Variants in WDR72 observed in about 807,000 individuals in gnomAD.
The protein encoded by WDR72 is WD repeat domain 72.
A neutral mutation model predicts 124.2 loss-of-function variants in WDR72; 120 were observed. That is an observed-to-expected ratio of 0.97 (90% confidence interval 0.83 to 1.12). The LOEUF is 1.12. WDR72 is among the 50% of genes most tolerant of loss of function. WDR72 has a pLI of 0.00. For synonymous variants in WDR72, 452 were observed against 441.7 expected (o/e 1.02, Z -0.29); for missense variants, 1,387 against 1,278.8 (o/e 1.08, Z -1.29).
Position 53,546,141 on chromosome 15 carries a change from T to C in WDR72, c.3149-22819A>G, listed in dbSNP as rs1320883261. On this transcript the variant is annotated intron_variant, in intron 18 of 19. Coordinates refer to ENST00000360509, the MANE Select transcript of WDR72 (RefSeq NM_182758.4). The stretch of plus-strand genomic sequence containing the variant: ...GGGATCTAGAACTAGAAATACCATT[T>C]GACCCAGCCATCCCATTACTGGGTA... 4.2e-5 allele frequency among the ~76,000 whole-genome samples: 6 copies of C among 143,064 alleles called. No homozygotes were observed. The East Asian group carries it at 1.2e-3, about 28-fold the overall frequency. 93.9% of individuals were successfully genotyped at this position (143,064 alleles called of 152,430 possible). A position where few individuals can be genotyped will look rare whatever the true frequency, so the allele number is the denominator to read the frequency against.
chr15:53,525,599 T>TAA (rs1056909716), intron 18 of WDR72, among the ~76,000 whole-genome samples: 2 of 151,988 alleles, frequency 1.3e-5, no homozygotes, highest in African/African-American at 4.8e-5. Flanking sequence ...TTTGTGGCAA[T>TAA]AAAGTGGTCC....
intron 13 of WDR72, among the ~76,000 whole-genome samples, chr15:53,675,668 T>C (rs1438594549): frequency 6.6e-6 from 1 of 152,198 alleles, no homozygotes; most frequent in Non-Finnish European, 1.5e-5. Flanking sequence ...AGTTACTTAT[T>C]GGGTATAATA....
chr15:53,741,408 G>T (rs1488557576), intron 1 of WDR72, among the ~76,000 whole-genome samples: 1 of 152,138 alleles, frequency 6.6e-6, no homozygotes, highest in African/African-American at 2.4e-5. Context: ...GCTATGTGTA[G>T]TGCAACATAC....
At chr15:53,605,838 GA>G (rs142793693) in intron 17 of WDR72, among the ~76,000 whole-genome samples, 6 of 148,740 alleles carry the variant, frequency 4.0e-5, no homozygotes, top group South Asian at 4.3e-4. Flanking sequence ...CTGGGTGACA[GA>G]AAAAAAAAAG....
chr15:53,535,453 T>C (rs1892711728), intron 18 of WDR72, among the ~76,000 whole-genome samples: 2 of 152,062 alleles, frequency 1.3e-5, no homozygotes, highest in Admixed American at 1.3e-4. Context: ...CAAAAACAAA[T>C]AGGGAGAGAG....
At chr15:53,670,530 G>T (rs2015948785) in intron 13 of WDR72, among the ~76,000 whole-genome samples, 1 of 152,162 alleles carries the variant, frequency 6.6e-6, no homozygotes, top group African/African-American at 2.4e-5. Flanking sequence ...TATCTGTCCA[G>T]GGGGACAACA....
intron 13 of WDR72, among the ~76,000 whole-genome samples, chr15:53,691,765 C>A (rs1054316301): frequency 6.6e-6 from 1 of 152,132 alleles, no homozygotes; most frequent in Non-Finnish European, 1.5e-5. Context: ...TTCATTATTA[C>A]CATGAGGAAA....
chr15:53,722,427 G>C (rs961508378), intron 3 of WDR72, among the ~76,000 whole-genome samples: 2 of 152,166 alleles, frequency 1.3e-5, no homozygotes, highest in African/African-American at 4.8e-5. Flanking sequence ...GGATGGGTTT[G>C]CTTAAGAGCT....
At chr15:53,639,975 T>C (rs1041216836) in intron 14 of WDR72, among the ~76,000 whole-genome samples, 5 of 152,208 alleles carry the variant, frequency 3.3e-5, no homozygotes, top group African/African-American at 1.2e-4. Flanking sequence ...GAGTACAACA[T>C]ATTAAATTTC....
At chr15:53,680,569 G>T (rs537514231) in intron 13 of WDR72, among the ~76,000 whole-genome samples, 3 of 152,270 alleles carry the variant, frequency 2.0e-5, no homozygotes, top group African/African-American at 4.8e-5. Context: ...AACCTGCGGG[G>T]TAAATCATGG....
At chr15:53,522,792 T>A (rs1022624120) in intron 19 of WDR72, among the ~76,000 whole-genome samples, 1 of 152,084 alleles carries the variant, frequency 6.6e-6, no homozygotes, top group African/African-American at 2.4e-5. Flanking sequence ...TACAGTCCTG[T>A]TTGTTTCTAG....
chr15:53,675,562 C>T (rs191724432), intron 13 of WDR72, among the ~76,000 whole-genome samples: 1 of 151,966 alleles, frequency 6.6e-6, no homozygotes, highest in Admixed American at 6.6e-5. Context: ...TTCATCACGT[C>T]GCATTATTTA....
chr15:53,699,315 G>A (rs2017096156), intron 13 of WDR72, among the ~76,000 whole-genome samples: 1 of 152,090 alleles, frequency 6.6e-6, no homozygotes, highest in Admixed American at 6.6e-5. Flanking sequence ...CAGTTTCCCT[G>A]ACTCAACTTT....
intron 18 of WDR72, among the ~76,000 whole-genome samples, chr15:53,576,472 A>G (rs1170401793): frequency 1.3e-5 from 2 of 152,208 alleles, no homozygotes; most frequent in Non-Finnish European, 2.9e-5. Flanking sequence ...GCACTAAAGC[A>G]AATGACACAT....
In WDR72 at chr15:53,687,315, C is replaced by A. The variant is rs1189750592; in HGVS notation, c.1765+12435G>T. Among the ~76,000 whole-genome samples the A allele has an allele frequency of 2.7e-5, 4 of 149,608 alleles. 1 individual carries two copies. The highest frequency in any genetic ancestry group is 7.5e-5 in the African/African-American group (3 of 40,264). On this transcript the variant is annotated intron_variant, in intron 13 of 19. Transcript: ENST00000360509. Reference sequence around the variant, plus strand: ...ATCAACAAAATTGATAGACCACTAGCAAGACTAATCAAGAAAAAAAGAGAG... The same window carrying A: ...ATCAACAAAATTGATAGACCACTAGAAAGACTAATCAAGAAAAAAAGAGAG...
chr15:53,759,797 G>C (rs2470064), upstream of WDR72: 97,649 of 149,190 alleles, frequency 0.65, 32,151 homozygotes, highest in African/African-American at 0.74. Flanking sequence ...GCCCGCGGGC[G>C]GGTGCACCCG....
At chr15:53,552,240 A>G (rs1485488498) in intron 18 of WDR72, among the ~76,000 whole-genome samples, 2 of 152,060 alleles carry the variant, frequency 1.3e-5, no homozygotes, top group Non-Finnish European at 2.9e-5. Flanking sequence ...TATATATCCA[A>G]GTTCAGAGTT....
upstream of WDR72, chr15:53,762,813 G>A (rs952306300): frequency 1.3e-5 from 2 of 152,230 alleles, no homozygotes; most frequent in African/African-American, 4.8e-5. Flanking sequence ...ATTAGGGACG[G>A]TGCCCAGGAC....
chr15:53,625,480 C>T (rs953930980), intron 14 of WDR72, among the ~76,000 whole-genome samples: 1 of 152,168 alleles, frequency 6.6e-6, no homozygotes, highest in African/African-American at 2.4e-5. Context: ...ACAATCCATT[C>T]CAACCTCTGA....
Sources: gnomAD v4.1 joint callset for allele counts (sites outside exome capture counted in the v4.1 genomes callset) on GRCh38, gnomAD v4.1.1 for gene constraint, MANE v1.5 for transcripts, NCBI Gene and HGNC (gene_info 2026-07-23, HGNC 2026-07-21) for gene names.